CFI: variants seen among roughly 807,000 people sequenced by gnomAD.
CFI encodes the protein complement factor I.
In CFI, 66 loss-of-function variants were observed where a neutral mutation model predicts 78.8. That is an observed-to-expected ratio of 0.84 (90% CI 0.69 to 1.03). The LOEUF (loss-of-function observed/expected upper bound fraction) is 1.03. Among genes scored for constraint, CFI ranks in the 50% least tolerant of loss-of-function variants. CFI has a pLI of 0.00. For synonymous variants in CFI, 250 were observed against 232.6 expected (o/e 1.07, Z -0.68); for missense variants, 706 against 704.5 (o/e 1.00, Z -0.02).
chr4:109,753,127 TA>T (rs1579187420), intron 7 of CFI, among the ~76,000 whole-genome samples: 1 of 92,658 alleles, frequency 1.1e-5, no homozygotes, highest in Non-Finnish European at 1.9e-5. Flanking sequence ...ATTTATTATA[TA>T]AATAAATATT....
intron 6 of CFI, chr4:109,760,009 A>C: frequency 1.7e-6 from 1 of 597,722 alleles, no homozygotes; most frequent in Non-Finnish European, 3.1e-6. Context: ...GAAAATGGGT[A>C]CTTAAGGATT....
At chr4:109,742,391 A>C in intron 12 of CFI, 100 bp downstream of exon 12, 1 of 797,758 alleles carries the variant, frequency 1.3e-6, no homozygotes, top group Non-Finnish European at 2.2e-6. Context: ...AAATGGAGGG[A>C]ATTAGGGCCC....
chr4:109,749,110 T>C (rs1005716566), intron 10 of CFI, 108 bp downstream of exon 10: 1 of 968,710 alleles, frequency 1.0e-6, no homozygotes, highest in African/African-American at 1.6e-5. Flanking sequence ...ATTAATATAG[T>C]GGAGTTTGTC....
At chr4:109,765,803 G>T (rs4404543) in intron 2 of CFI, among the ~76,000 whole-genome samples, 15 of 151,824 alleles carry the variant, frequency 9.9e-5, no homozygotes, top group African/African-American at 2.4e-4. Context: ...GAGAGGGTTG[G>T]GGGGGACGGC....
chr4:109,750,520 A>G (rs531556688), intron 8 of CFI, among the ~76,000 whole-genome samples: 1 of 152,218 alleles, frequency 6.6e-6, no homozygotes, highest in South Asian at 2.1e-4. Flanking sequence ...GCCATTTGAC[A>G]TGTGACAATG....
intron 7 of CFI, among the ~76,000 whole-genome samples, chr4:109,755,810 G>T (rs1249368497): frequency 1.3e-5 from 2 of 152,172 alleles, no homozygotes; most frequent in African/African-American, 4.8e-5. Flanking sequence ...ATGCCTCGAA[G>T]AAATCCTCCC....
chr4:109,776,587 G>A (rs548940876), intron 1 of CFI, among the ~76,000 whole-genome samples: 1 of 152,240 alleles, frequency 6.6e-6, no homozygotes, highest in South Asian at 2.1e-4. Flanking sequence ...ACCTAGCAAG[G>A]CAGGCCAACA....
rs1458125413 is a variant in CFI at position 109,761,687 on chromosome 4, G to A, written c.488C>T (p.Ala163Val). Residue 163 changes from alanine (A) to valine (V), a missense_variant, in exon 4 of 13, where the codon GCT (alanine) becomes GTT (valine). Ala to Val is a moderately conservative substitution (Grantham distance 64). Coordinates refer to ENST00000394634, the MANE Select transcript of CFI (RefSeq NM_000204.5). ...CAACTTAAACCTTCTTTGAGTATCA[G>A]CACCTCTGCAAATAGAATAAAGGAA... Reference protein sequence around the residue: ...ACLDLGFQQGADTQRRFKLSD... With the variant: ...ACLDLGFQQGVDTQRRFKLSD... The A allele has an allele frequency of 2.5e-6, 4 of 1,609,292 alleles. No homozygotes were observed. Among genetic ancestry groups the A allele is most frequent in the Non-Finnish European group, 3.4e-6 (4 of 1,176,216 alleles).
chr4:109,773,371 C>T (rs189219815), intron 1 of CFI, among the ~76,000 whole-genome samples: 426 of 152,184 alleles, frequency 2.8e-3, no homozygotes, highest in South Asian at 4.1e-3. Context: ...CAAAAATTAG[C>T]GGGGCATGGT....
intron 1 of CFI, among the ~76,000 whole-genome samples, chr4:109,789,922 C>T (rs917134535): frequency 6.6e-6 from 1 of 151,956 alleles, no homozygotes; most frequent in Non-Finnish European, 1.5e-5. Flanking sequence ...GTAGAATTCA[C>T]GAGTGAAGCC....
intron 8 of CFI, among the ~76,000 whole-genome samples, chr4:109,751,167 C>T (rs1273077001): frequency 6.6e-6 from 1 of 152,080 alleles, no homozygotes; most frequent in Non-Finnish European, 1.5e-5. Context: ...CTTCCTTAGA[C>T]TTTGGGGGCT....
chr4:109,775,016 A>G (rs181678217), intron 1 of CFI, among the ~76,000 whole-genome samples: 7 of 152,230 alleles, frequency 4.6e-5, no homozygotes, highest in Admixed American at 3.9e-4. Flanking sequence ...CATTCAGTTC[A>G]AAGAATTTTT....
At chr4:109,764,331 C>T (rs1727455645) in intron 3 of CFI, 2 of 622,590 alleles carry the variant, frequency 3.2e-6, no homozygotes, top group Non-Finnish European at 5.7e-6. Context: ...CTTCAACAGA[C>T]TTATTATCCA....
intron 1 of CFI, among the ~76,000 whole-genome samples, chr4:109,769,012 C>T (rs1728226142): frequency 6.6e-6 from 1 of 152,104 alleles, no homozygotes; most frequent in African/African-American, 2.4e-5. Context: ...CTCTTTTTGG[C>T]ACTTATTAGA....
At position 109,765,833 on chromosome 4, in the gene CFI, G is replaced by A. The variant is rs976070139; in HGVS notation, c.328+721C>T. 5.9e-5 allele frequency among the ~76,000 whole-genome samples: 9 copies of A among 152,052 alleles called. 1 individual carries two copies. Among genetic ancestry groups the A allele is most frequent in the Admixed American group, 5.9e-4 (9 of 15,258 alleles). ...GACGGCTGTTGAAAGAAATTATTGG[G>A]GTAGGCCACGCATGGTGGCTCATGC... On this transcript the variant is annotated intron_variant, in intron 2 of 12. Coordinates refer to ENST00000394634, the MANE Select transcript of CFI (RefSeq NM_000204.5).
chr4:109,770,539 G>C lies in CFI; in HGVS notation c.58-3715C>G, dbSNP rs1728439828. Among the ~76,000 whole-genome samples, 4 of 128,506 alleles carry C rather than the reference G, an allele frequency of 3.1e-5. No individual in the cohort carries two copies. In the South Asian group the frequency reaches 1.1e-3, roughly 35 times the overall value. The allele number at this position is 128,506 out of a possible 152,430, so 84.3% of individuals were successfully genotyped here. A position where few individuals can be genotyped will look rare whatever the true frequency, so the allele number is the denominator to read the frequency against. On this transcript the variant is annotated intron_variant, in intron 1 of 12. Coordinates refer to ENST00000394634, the MANE Select transcript of CFI (RefSeq NM_000204.5). Reference sequence around the variant, plus strand: ...CCACTGCACTCCAACCTGGATGACAGAGCGAGACTCCATCTCTAAAAAAAA... The same window carrying C: ...CCACTGCACTCCAACCTGGATGACACAGCGAGACTCCATCTCTAAAAAAAA...
At chr4:109,738,548 A>T (rs922056707), downstream of CFI, among the ~76,000 whole-genome samples, 6 of 152,122 alleles carry the variant, frequency 3.9e-5, no homozygotes, top group African/African-American at 1.4e-4. Flanking sequence ...CCATCAAGAG[A>T]TGGGTTATTT....
chr4:109,765,804 G>A (rs1227087956), intron 2 of CFI, among the ~76,000 whole-genome samples: 1 of 152,056 alleles, frequency 6.6e-6, no homozygotes, highest in Non-Finnish European at 1.5e-5. Flanking sequence ...AGAGGGTTGG[G>A]GGGGACGGCT....
intron 7 of CFI, among the ~76,000 whole-genome samples, chr4:109,756,923 AAGAAAG>A (rs1726301918): frequency 1.4e-5 from 2 of 147,086 alleles, no homozygotes; most frequent in South Asian, 2.3e-4. Flanking sequence ...GAAAGAAAGA[AAGAAAG>A]AAAGAAAGAA....
Sources: gnomAD v4.1 joint callset for allele counts (sites outside exome capture counted in the v4.1 genomes callset) on GRCh38, gnomAD v4.1.1 for gene constraint, MANE v1.5 for transcripts, NCBI Gene and HGNC (gene_info 2026-07-23, HGNC 2026-07-21) for gene names.